Variants in FTO observed in about 807,000 individuals in gnomAD.
FTO encodes the protein FTO alpha-ketoglutarate dependent dioxygenase.
FTO carries 47 observed loss-of-function variants against 63.9 expected under a neutral mutation model. That is an observed-to-expected ratio of 0.74 (90% confidence interval 0.58 to 0.94). The LOEUF (loss-of-function observed/expected upper bound fraction) is 0.94. Among genes scored for constraint, FTO ranks in the 40% least tolerant of loss-of-function variants. The pLI is 0.00. For missense variants in FTO, 562 were observed against 618.1 expected, an observed-to-expected ratio of 0.91 and a Z score of 0.96; for synonymous variants, 207 against 224.4, an observed-to-expected ratio of 0.92 and a Z score of 0.69.
chr16:53,931,442 GA>G (rs2082281662), intron 7 of FTO, among the ~76,000 whole-genome samples: 1 of 151,784 alleles, frequency 6.6e-6, no homozygotes, highest in South Asian at 2.1e-4. Flanking sequence ...GAATAGCTGG[GA>G]TTATAGACGC....
chr16:53,960,392 C>A (rs559808739), intron 8 of FTO, among the ~76,000 whole-genome samples: 7 of 152,302 alleles, frequency 4.6e-5, no homozygotes, highest in African/African-American at 1.4e-4. Context: ...GCAATGGTAT[C>A]GTTGGAGCTG....
At chr16:53,885,775 G>A (rs1598908871) in intron 6 of FTO, among the ~76,000 whole-genome samples, 2 of 152,118 alleles carry the variant, frequency 1.3e-5, no homozygotes, top group East Asian at 1.9e-4. Flanking sequence ...TAGAGACATG[G>A]CCTCACTGTG....
intron 8 of FTO, among the ~76,000 whole-genome samples, chr16:54,049,311 C>T (rs1181768639): frequency 6.6e-6 from 1 of 152,110 alleles, no homozygotes; most frequent in African/African-American, 2.4e-5. Flanking sequence ...TGCCAATCAG[C>T]ACAGGGAAGA....
chr16:54,094,494 C>T (rs190401050), intron 8 of FTO, among the ~76,000 whole-genome samples: 4 of 152,298 alleles, frequency 2.6e-5, no homozygotes, highest in Admixed American at 1.3e-4. Context: ...TTCAGTCTTC[C>T]GTGGCTCTCA....
chr16:53,856,015 C>G (rs2079980174), intron 4 of FTO, among the ~76,000 whole-genome samples: 1 of 152,082 alleles, frequency 6.6e-6, no homozygotes, highest in Non-Finnish European at 1.5e-5. Flanking sequence ...GAATTTTTCC[C>G]ATTGGCTAAC....
chr16:53,819,363 G>A (rs2078787766), intron 2 of FTO, among the ~76,000 whole-genome samples: 1 of 152,090 alleles, frequency 6.6e-6, no homozygotes, highest in South Asian at 2.1e-4. Context: ...GTAGAGAGGG[G>A]ATTTCACCTT....
chr16:54,103,015 A>T (rs572614504), intron 8 of FTO, among the ~76,000 whole-genome samples: 19 of 151,994 alleles, frequency 1.3e-4, no homozygotes, highest in South Asian at 6.2e-4. Context: ...AAATAGCCAG[A>T]TGTGGTGATG....
chr16:53,986,880 A>G (rs895074816), intron 8 of FTO, among the ~76,000 whole-genome samples: 12 of 152,214 alleles, frequency 7.9e-5, no homozygotes, highest in African/African-American at 2.9e-4. Context: ...TGTCTGCTGT[A>G]GCTTTGATCC....
intron 8 of FTO, chr16:54,052,581 G>A (rs981237762): frequency 2.6e-4 from 40 of 152,128 alleles, no homozygotes; most frequent in Admixed American, 2.1e-3. Context: ...AAGTCTCATC[G>A]TTCTTCTGTG....
chr16:53,876,616 T>C (rs1046879628), intron 5 of FTO, among the ~76,000 whole-genome samples: 3 of 152,170 alleles, frequency 2.0e-5, no homozygotes, highest in Non-Finnish European at 1.5e-5. Context: ...CAATTTAAAA[T>C]GGCAAAGGAA....
At chr16:54,085,794 TGTAGTTGTTG>T (rs2086243706) in intron 8 of FTO, among the ~76,000 whole-genome samples, 2 of 152,192 alleles carry the variant, frequency 1.3e-5, no homozygotes, top group Non-Finnish European at 2.9e-5. Flanking sequence ...CTCGTCTCGC[TGTAGTTGTTG>T]GTTATTCACC....
At chr16:53,858,797 A>T (rs2080085001) in intron 4 of FTO, among the ~76,000 whole-genome samples, 1 of 151,922 alleles carries the variant, frequency 6.6e-6, no homozygotes, top group African/African-American at 2.4e-5. Context: ...AGCGGCTGGG[A>T]CTATAGGCTC....
Position 53,826,241 on chromosome 16 carries a change from T to C in FTO, c.501T>C (p.Ala167=), listed in dbSNP as rs750522384. ...LAAKEKANED[A]VPLCMSADFP... ...CCAAAGAGAAGGCTAATGAGGATGC[T>C]GTGCCATTGTGTATGTCTGCAGATT... Residue 167 remains alanine, a synonymous_variant, in exon 3 of 9, where the codon GCT becomes GCC. Transcript: ENST00000471389. The C allele has an allele frequency of 1.2e-6, 2 of 1,614,236 alleles. No individual in the cohort carries two copies. Among genetic ancestry groups the C allele is most frequent in the South Asian group, 1.1e-5 (1 of 91,088 alleles).
chr16:53,949,808 G>T (rs1229947032), intron 8 of FTO, among the ~76,000 whole-genome samples: 1 of 152,006 alleles, frequency 6.6e-6, no homozygotes, highest in African/African-American at 2.4e-5. Context: ...GCAGCCTTTT[G>T]GATAAATAAT....
chr16:54,016,192 A>G (rs1253117628), intron 8 of FTO, among the ~76,000 whole-genome samples: 2 of 152,076 alleles, frequency 1.3e-5, no homozygotes, highest in African/African-American at 4.8e-5. Context: ...GTCTCATTCC[A>G]GAATCCCCTC....
intron 4 of FTO, among the ~76,000 whole-genome samples, chr16:53,852,118 AAAGCCAGGT>A (rs1202487262): frequency 6.7e-6 from 1 of 149,878 alleles, no homozygotes; most frequent in Non-Finnish European, 1.5e-5. Context: ...AAAAAAAAAA[AAAGCCAGGT>A]AAGCCAGGTA....
intron 4 of FTO, among the ~76,000 whole-genome samples, chr16:53,848,967 A>G (rs912935346): frequency 6.6e-6 from 1 of 152,226 alleles, no homozygotes; most frequent in Non-Finnish European, 1.5e-5. Context: ...CTCACTTTCA[A>G]GTATTTGTTG....
At chr16:53,736,354 TTA>T (rs1491521577) in intron 1 of FTO, among the ~76,000 whole-genome samples, 8 of 134,368 alleles carry the variant, frequency 6.0e-5, no homozygotes, top group African/African-American at 3.0e-4. Flanking sequence ...TAAAGTATAA[TTA>T]AAAAAAAAAA....
chr16:54,096,151 C>G (rs1342565329), intron 8 of FTO, among the ~76,000 whole-genome samples: 1 of 152,238 alleles, frequency 6.6e-6, no homozygotes, highest in African/African-American at 2.4e-5. Context: ...AGAAGTCCTT[C>G]TGCCCATATC....
Sources: allele counts gnomAD v4.1 joint callset (sites outside exome capture counted in the v4.1 genomes callset), GRCh38; gene constraint gnomAD v4.1.1; transcripts MANE v1.5; gene names NCBI Gene and HGNC (gene_info 2026-07-23, HGNC 2026-07-21).